The following TRAPPC9 variants were observed in gnomAD, a reference collection of about 807,000 sequenced individuals.
TRAPPC9 encodes IKK2 binding protein.
A neutral mutation model predicts 124.0 loss-of-function variants in TRAPPC9; 83 were observed. The ratio of observed to expected loss-of-function variants is 0.67; its 90% CI spans 0.56 to 0.80. The LOEUF (loss-of-function observed/expected upper bound fraction) is 0.80, where lower values mean the gene tolerates loss of function less well. Ranked by LOEUF, TRAPPC9 falls within the 30% of genes least tolerant of loss-of-function variation. The pLI is 0.00. For missense variants in TRAPPC9, 1,302 were observed against 1,508.3 expected (o/e 0.86, Z 2.27); for synonymous variants, 638 against 617.5 (o/e 1.03, Z -0.49).
intron 18 of TRAPPC9, among the ~76,000 whole-genome samples, chr8:139,999,494 C>T (rs1417439281): frequency 6.6e-6 from 1 of 152,108 alleles, no homozygotes; most frequent in East Asian, 1.9e-4. Flanking sequence ...CAACACTCTT[C>T]TCTCAGTAAT....
In TRAPPC9 at chr8:139,894,016, G is replaced by A. The variant is rs193275741; in HGVS notation, c.2965-8047C>T. The stretch of plus-strand genomic sequence containing the variant: ...TGAATTCTTCTGTGGCAACCGCTTG[G>A]CACCAGCATCCCTGCCCACAGCCAC... On this transcript the variant is annotated intron_variant, in intron 20 of 22. Transcript: ENST00000438773. Among the ~76,000 whole-genome samples, 813 of 152,294 alleles carry A rather than the reference G, an allele frequency of 5.3e-3. 6 individuals carry two copies. Among genetic ancestry groups the A allele is most frequent in the African/African-American group, 0.018 (753 of 41,572 alleles).
At chr8:140,451,984 G>A (rs2071478089) in intron 1 of TRAPPC9, among the ~76,000 whole-genome samples, 1 of 152,046 alleles carries the variant, frequency 6.6e-6, no homozygotes, top group Admixed American at 6.6e-5. Context: ...AGCCGGGTGT[G>A]GTGGCACGTG....
intron 4 of TRAPPC9, 59 bp from the exon 5 acceptor site, chr8:140,426,700 A>C: frequency 6.7e-7 from 1 of 1,492,260 alleles, no homozygotes; most frequent in East Asian, 2.3e-5. Context: ...TTTTAAAAAT[A>C]ACTACTAAAA....
chr8:140,437,547 C>A (rs2070862501), intron 3 of TRAPPC9, among the ~76,000 whole-genome samples: 1 of 152,162 alleles, frequency 6.6e-6, no homozygotes, highest in African/African-American at 2.4e-5. Context: ...TCGCTTGAAC[C>A]CAGGAGGCGG....
intron 17 of TRAPPC9, among the ~76,000 whole-genome samples, chr8:140,121,527 C>T (rs1422853731): frequency 6.6e-6 from 1 of 152,190 alleles, no homozygotes; most frequent in East Asian, 1.9e-4. Context: ...AGAAGTGGTG[C>T]AGGCCTGTGG....
At chr8:140,115,431 G>A (rs575254391) in intron 17 of TRAPPC9, among the ~76,000 whole-genome samples, 4 of 151,956 alleles carry the variant, frequency 2.6e-5, no homozygotes, top group South Asian at 2.1e-4. Flanking sequence ...CACACCTGGC[G>A]AATTTTTTTG....
intron 19 of TRAPPC9, among the ~76,000 whole-genome samples, chr8:139,978,707 C>T (rs941190202): frequency 1.4e-4 from 21 of 152,184 alleles, no homozygotes; most frequent in African/African-American, 4.3e-4. Context: ...ACAGCGATGG[C>T]TGTGTCTGTG....
At chr8:139,897,834 C>T (rs192950688) in intron 20 of TRAPPC9, among the ~76,000 whole-genome samples, 7 of 152,340 alleles carry the variant, frequency 4.6e-5, no homozygotes, top group African/African-American at 1.2e-4. Context: ...GCCAGAGTGA[C>T]GGGGTCAGGA....
rs893030088 is a variant in TRAPPC9, at chr8:140,353,401, G to A, written c.1495+6649C>T. Among the ~76,000 whole-genome samples, 17 of 149,678 alleles carry A rather than the reference G, an allele frequency of 1.1e-4. No individual in the cohort carries two copies. Among genetic ancestry groups the A allele is most frequent in the African/African-American group, 3.7e-4 (15 of 40,400 alleles). On this transcript the variant is annotated intron_variant, in intron 9 of 22. Coordinates refer to ENST00000438773, the MANE Select transcript of TRAPPC9 (RefSeq NM_001160372.4). This position sits in a 1 kb window ranked among gnomAD's most constrained non-coding sequence, Gnocchi z 4.2. The stretch of plus-strand genomic sequence containing the variant: ...GTATGCATTTTTTCCCCTTCTTTTC[G>A]TAAGTATTGATAACCGCACTTCACT...
chr8:140,255,172 C>T (rs1359985608), intron 15 of TRAPPC9, among the ~76,000 whole-genome samples: 1 of 152,218 alleles, frequency 6.6e-6, no homozygotes, highest in Non-Finnish European at 1.5e-5. Context: ...GAGACAGATC[C>T]AGGGGACAGC....
chr8:140,099,332 G>C (rs1335805585), intron 17 of TRAPPC9: 1 of 151,324 alleles, frequency 6.6e-6, no homozygotes, highest in African/African-American at 2.4e-5. Context: ...CAGTAGTGCC[G>C]CAATCCGCAG....
intron 2 of TRAPPC9, among the ~76,000 whole-genome samples, chr8:140,441,932 G>A (rs1373135118): frequency 2.0e-5 from 3 of 152,138 alleles, no homozygotes; most frequent in Non-Finnish European, 4.4e-5. Flanking sequence ...TACTCAGGAG[G>A]CAGAGGCAGG....
At chr8:139,746,517 C>T (rs557158594) in intron 21 of TRAPPC9, among the ~76,000 whole-genome samples, 1 of 152,068 alleles carries the variant, frequency 6.6e-6, no homozygotes, top group African/African-American at 2.4e-5. Flanking sequence ...AGGGGTGGGG[C>T]CCCAGGTGGG....
chr8:140,321,929 G>C (rs1248845414), intron 9 of TRAPPC9, among the ~76,000 whole-genome samples: 2 of 152,212 alleles, frequency 1.3e-5, no homozygotes, highest in Non-Finnish European at 2.9e-5. Flanking sequence ...GCACAAAGCA[G>C]AGGCTTGCTG....
chr8:140,454,508 C>T (rs1056475636), intron 1 of TRAPPC9, among the ~76,000 whole-genome samples: 1 of 150,734 alleles, frequency 6.6e-6, no homozygotes, highest in African/African-American at 2.4e-5. Flanking sequence ...GGCGTGGTGG[C>T]GCATGCCTGT....
rs546697571 is a variant in TRAPPC9 at position 140,294,983 on chromosome 8, G to T, written c.1769-3905C>A. On this transcript the variant is annotated intron_variant, in intron 11 of 22. Transcript: ENST00000438773. Reference sequence around the variant, plus strand: ...TCAGCATGTCAAAGCACACGGTGGTGGCCCTTCCTCACTATTTTGTCCTAG... The same window carrying T: ...TCAGCATGTCAAAGCACACGGTGGTTGCCCTTCCTCACTATTTTGTCCTAG... 3.9e-5 allele frequency among the ~76,000 whole-genome samples: 6 copies of T among 152,152 alleles called. No individual in the cohort carries two copies. In the East Asian group the frequency reaches 1.2e-3, roughly 29 times the overall value.
intron 9 of TRAPPC9, among the ~76,000 whole-genome samples, chr8:140,325,293 A>G (rs986547976): frequency 1.3e-5 from 2 of 152,230 alleles, no homozygotes; most frequent in African/African-American, 4.8e-5. Context: ...AGAAGCTAGA[A>G]AAAGACATAA....
At position 140,022,543 on chromosome 8, in the gene TRAPPC9, A is replaced by G. The variant is rs79346575; in HGVS notation, c.2699+1394T>C. 5.2e-3 allele frequency among the ~76,000 whole-genome samples: 792 copies of G among 152,276 alleles called. 2 individuals are homozygous for G. Among genetic ancestry groups the G allele is most frequent in the Non-Finnish European group, 9.1e-3 (617 of 68,022 alleles). ...GAAAACCAGATATCAATGGGGAAAAAAAGACGAACTCAGCTGATGACAACC... is the reference window on the plus strand; with the variant it reads ...GAAAACCAGATATCAATGGGGAAAAGAAGACGAACTCAGCTGATGACAACC... On this transcript the variant is annotated intron_variant, in intron 18 of 22. Coordinates refer to ENST00000438773, the MANE Select transcript of TRAPPC9 (RefSeq NM_001160372.4).
At chr8:140,399,860 A>G (rs1465724547) in intron 6 of TRAPPC9, among the ~76,000 whole-genome samples, 2 of 152,292 alleles carry the variant, frequency 1.3e-5, no homozygotes, top group East Asian at 1.9e-4. Context: ...CTGTGTCCCC[A>G]CCCAAATCTC....
Sources: gnomAD v4.1 joint callset for allele counts (sites outside exome capture counted in the v4.1 genomes callset) on GRCh38, gnomAD v4.1.1 for gene constraint, Gnocchi (gnomAD v3.1) non-coding constraint, MANE v1.5 for transcripts, NCBI Gene and HGNC (gene_info 2026-07-23, HGNC 2026-07-21) for gene names.